AMOTL1: variants seen among roughly 807,000 people sequenced by gnomAD.
AMOTL1 encodes angiomotin-like protein 1.
In AMOTL1, 45 loss-of-function variants were observed where a neutral mutation model predicts 102.9. The observed-to-expected ratio is 0.44, with a 90% CI of 0.34 to 0.56. The LOEUF (loss-of-function observed/expected upper bound fraction) is 0.56. Ranked by LOEUF, AMOTL1 falls within the 20% of genes least tolerant of loss-of-function variation. The probability of loss-of-function intolerance (pLI) is 0.01; values close to 1 mark genes in which losing one functional copy is unlikely to be tolerated. For synonymous variants in AMOTL1, 481 were observed against 484.7 expected (o/e 0.99, Z 0.10); for missense variants, 1,114 against 1,225.6 (o/e 0.91, Z 1.36).
At chr11:94,819,661 G>A (rs779901747) in intron 3 of AMOTL1, among the ~76,000 whole-genome samples, 7 of 152,138 alleles carry the variant, frequency 4.6e-5, no homozygotes, top group East Asian at 1.9e-4. Context: ...TTGACGTCTC[G>A]TGTCTCTCAT....
chr11:94,833,201 A>G (rs146522146), intron 6 of AMOTL1, among the ~76,000 whole-genome samples: 1 of 152,360 alleles, frequency 6.6e-6, no homozygotes, highest in East Asian at 1.9e-4. Context: ...ATGTAATGTA[A>G]TTGAATCTAG....
At chr11:94,850,790 C>T (rs1268028488) in intron 7 of AMOTL1, among the ~76,000 whole-genome samples, 2 of 152,192 alleles carry the variant, frequency 1.3e-5, no homozygotes, top group Non-Finnish European at 2.9e-5. Context: ...CTGTGTTACA[C>T]AGGCTTACCT....
Position 94,747,522 on chromosome 11 carries a change from A to G in AMOTL1, c.136+6534A>G, listed in dbSNP as rs144387735. 3.8e-3 allele frequency among the ~76,000 whole-genome samples: 583 copies of G among 152,328 alleles called. 9 individuals are homozygous for G. The highest frequency in any genetic ancestry group is 0.013 in the African/African-American group (560 of 41,578). ...TATTAGGACAAATTATGACATTTGT[A>G]TAACTTCTTTAAAATAATAACTTAA... On this transcript the variant is annotated intron_variant, in intron 3 of 4. Coordinates refer to the AMOTL1 transcript ENST00000299004.
chr11:94,805,915 C>T (rs1268835161), intron 3 of AMOTL1, among the ~76,000 whole-genome samples: 1 of 152,210 alleles, frequency 6.6e-6, no homozygotes, highest in East Asian at 1.9e-4. Flanking sequence ...ACAGCCATCA[C>T]CACCACCTTC....
At chr11:94,717,010 T>C (rs1419523415) in intron 1 of AMOTL1, among the ~76,000 whole-genome samples, 1 of 151,922 alleles carries the variant, frequency 6.6e-6, no homozygotes. Flanking sequence ...GCCAGCAGGC[T>C]TTTGGTGTTT....
At chr11:94,860,719 C>G (rs1407798300) in intron 9 of AMOTL1, among the ~76,000 whole-genome samples, 1 of 152,064 alleles carries the variant, frequency 6.6e-6, no homozygotes, top group Non-Finnish European at 1.5e-5. Flanking sequence ...GGAAAGGATC[C>G]TCAAATTTCA....
At chr11:94,793,276 C>T (rs2135556788) in intron 1 of AMOTL1, among the ~76,000 whole-genome samples, 2 of 152,278 alleles carry the variant, frequency 1.3e-5, no homozygotes, top group South Asian at 4.1e-4. Context: ...CAACTCCTCT[C>T]TTACTCTGAT....
intron 5 of AMOTL1, 141 bp downstream of exon 5, chr11:94,830,335 G>T: frequency 1.3e-6 from 1 of 792,040 alleles, no homozygotes; most frequent in Non-Finnish European, 1.9e-6. Flanking sequence ...AATGATCTGG[G>T]GAAGGGAGGA....
chr11:94,740,586 C>T (rs1950506428), intron 2 of AMOTL1, among the ~76,000 whole-genome samples: 1 of 151,694 alleles, frequency 6.6e-6, no homozygotes, highest in Non-Finnish European at 1.5e-5. Flanking sequence ...GGCGCCAGGC[C>T]CGGCAGACAG....
At chr11:94,709,051 G>T (rs906098532) in intron 1 of AMOTL1, among the ~76,000 whole-genome samples, 7 of 152,226 alleles carry the variant, frequency 4.6e-5, no homozygotes, top group African/African-American at 1.7e-4. Context: ...GTGCAGATCA[G>T]TGTTTAAAAT....
At chr11:94,801,630 C>A (rs1228663159) in intron 3 of AMOTL1, among the ~76,000 whole-genome samples, 1 of 151,770 alleles carries the variant, frequency 6.6e-6, no homozygotes, top group Non-Finnish European at 1.5e-5. Flanking sequence ...AAAGCTTGGG[C>A]AGGGAGAATA....
In AMOTL1 at chr11:94,873,812, C is replaced by CACACAG. The variant is rs781440940; in HGVS notation, c.*3018_*3019insCACAGA. On this transcript the variant is annotated 3_prime_UTR_variant, in exon 13 of 13. Transcript: ENST00000433060. Reference sequence around the variant, plus strand: ...ACACACACACACACACACACACACACAGCTATCACACATCTCAGAGCCTAA... The same window carrying CACACAG: ...ACACACACACACACACACACACACACACACAGAGCTATCACACATCTCAGAGCCTAA... The CACACAG allele has an allele frequency of 4.0e-5, 6 of 151,388 alleles. No individual in the cohort carries two copies. Among genetic ancestry groups the CACACAG allele is most frequent in the Non-Finnish European group, 8.8e-5 (6 of 68,402 alleles). 9.4% of individuals were successfully genotyped at this position (151,388 alleles called of 1,614,324 possible). A position where few individuals can be genotyped will look rare whatever the true frequency, so the allele number is the denominator to read the frequency against.
At chr11:94,853,816 G>A (rs1023421993) in intron 7 of AMOTL1, 117 bp from the exon 8 acceptor site, 6 of 1,171,506 alleles carry the variant, frequency 5.1e-6, no homozygotes, top group South Asian at 4.2e-5. Context: ...GCGGTGGGAG[G>A]TACGTGCACC....
chr11:94,758,730 A>G lies in AMOTL1; in HGVS notation c.136+17742A>G, dbSNP rs75382278. Reference sequence around the variant, plus strand: ...CAATCAGTTCTTTGAAAGAAAAGTCAAAAAGTAGAGAATACAAGAAATTTT... The same window carrying G: ...CAATCAGTTCTTTGAAAGAAAAGTCGAAAAGTAGAGAATACAAGAAATTTT... On this transcript the variant is annotated intron_variant, in intron 3 of 4. Transcript: ENST00000299004. Among the ~76,000 whole-genome samples the G allele has an allele frequency of 6.7e-3, 1,027 of 152,340 alleles. 9 individuals carry two copies. The highest frequency in any genetic ancestry group is 0.023 in the African/African-American group (953 of 41,580).
rs999479164 is a variant in AMOTL1, at chr11:94,875,729, C to A, written c.*4934C>A. Reference sequence around the variant, plus strand: ...AAGGTAAGTTACACCATTTTTGTTTCTAAAAAAATCCCTAAGAAATTTCTT... The same window carrying A: ...AAGGTAAGTTACACCATTTTTGTTTATAAAAAAATCCCTAAGAAATTTCTT... On this transcript the variant is annotated 3_prime_UTR_variant, in exon 13 of 13. Coordinates refer to ENST00000433060, the MANE Select transcript of AMOTL1 (RefSeq NM_130847.3). 2.0e-5 allele frequency: 3 copies of A among 152,112 alleles called. No homozygotes were observed. The highest frequency in any genetic ancestry group is 7.2e-5 in the African/African-American group (3 of 41,440). The allele number at this position is 152,112 out of a possible 1,614,324, so 9.4% of individuals were successfully genotyped here.
At chr11:94,780,771 C>T (rs1235785324) in intron 1 of AMOTL1, among the ~76,000 whole-genome samples, 1 of 152,192 alleles carries the variant, frequency 6.6e-6, no homozygotes, top group African/African-American at 2.4e-5. Flanking sequence ...TTCTCACTTA[C>T]TAATAAGGCA....
intron 9 of AMOTL1, 78 bp downstream of exon 9, chr11:94,859,793 G>C: frequency 7.0e-7 from 1 of 1,428,226 alleles, no homozygotes; most frequent in Non-Finnish European, 9.3e-7. Context: ...TATCCAGAGA[G>C]GTCCAAGGCC....
intron 1 of AMOTL1, among the ~76,000 whole-genome samples, chr11:94,789,687 C>A (rs751384228): frequency 6.6e-6 from 1 of 152,072 alleles, no homozygotes; most frequent in African/African-American, 2.4e-5. Flanking sequence ...GCGGAGTATT[C>A]GGCTCCCTAG....
chr11:94,858,250 T>C (rs1039571008), intron 8 of AMOTL1, among the ~76,000 whole-genome samples: 2 of 152,198 alleles, frequency 1.3e-5, no homozygotes, highest in African/African-American at 4.8e-5. Flanking sequence ...ATGGAGTCAG[T>C]GCCCTTTATG....
Sources: gnomAD v4.1 joint callset for allele counts (sites outside exome capture counted in the v4.1 genomes callset) on GRCh38, gnomAD v4.1.1 for gene constraint, MANE v1.5 for transcripts, NCBI Gene and HGNC (gene_info 2026-07-23, HGNC 2026-07-21) for gene names.